Variants in TMEM260 observed in about 807,000 individuals in gnomAD.
TMEM260 encodes the protein protein O-mannosyl-transferase TMEM260.
TMEM260 carries 82 observed loss-of-function variants against 88.9 expected under a neutral mutation model. The observed-to-expected ratio is 0.92, with a 90% CI of 0.77 to 1.11. The LOEUF is 1.11. Ranked by LOEUF, TMEM260 falls within the 50% of genes least tolerant of loss-of-function variation. TMEM260 has a pLI of 0.00. For synonymous variants in TMEM260, 314 were observed against 309.3 expected (o/e 1.02, Z -0.16); for missense variants, 902 against 853.4 (o/e 1.06, Z -0.71).
intron 1 of TMEM260, 101 bp downstream of exon 1, chr14:56,580,175 C>A: frequency 2.0e-6 from 2 of 1,008,590 alleles, no homozygotes; most frequent in Non-Finnish European, 2.6e-6. Context: ...GTCTGGTCAG[C>A]TCTGGGCCTC....
chr14:56,601,847 C>T (rs10129632), intron 3 of TMEM260, among the ~76,000 whole-genome samples: 1,571 of 152,162 alleles, frequency 0.01, 20 homozygotes, highest in African/African-American at 0.036. Flanking sequence ...TTCTGTCATG[C>T]CCCCATCATT....
chr14:56,637,322 T>C (rs1889181298), intron 15 of TMEM260, among the ~76,000 whole-genome samples: 1 of 152,198 alleles, frequency 6.6e-6, no homozygotes, highest in Admixed American at 6.5e-5. Context: ...CCTTGGCTTG[T>C]TGAGATTTCA....
downstream of TMEM260, among the ~76,000 whole-genome samples, chr14:56,654,814 CAAAAAAA>C (rs750160414): frequency 1.5e-4 from 8 of 51,790 alleles, no homozygotes; most frequent in South Asian, 9.9e-4. Flanking sequence ...AACTCCATCT[CAAAAAAA>C]AAAAAAAAAA....
intron 9 of TMEM260, 101 bp from the exon 10 acceptor site, chr14:56,618,489 GCACA>G: frequency 2.0e-6 from 2 of 1,008,264 alleles, no homozygotes; most frequent in Non-Finnish European, 2.9e-6. Flanking sequence ...ATGACAACAG[GCACA>G]CACAACTAGG....
At chr14:56,592,339 G>T (rs904246814) in intron 3 of TMEM260, among the ~76,000 whole-genome samples, 1 of 152,022 alleles carries the variant, frequency 6.6e-6, no homozygotes, top group African/African-American at 2.4e-5. Flanking sequence ...ATGTTCTTAG[G>T]TCTAAACTTG....
chr14:56,662,204 G>T, the TMEM260 span, among the ~76,000 whole-genome samples: 14 of 152,064 alleles, frequency 9.2e-5, no homozygotes. Flanking sequence ...ACATCTTTCC[G>T]CCAGAAGCTA....
chr14:56,647,516 A>C lies in TMEM260; in HGVS notation c.*19A>C, dbSNP rs1890043623. On this transcript the variant is annotated 3_prime_UTR_variant, in exon 16 of 16. Transcript: ENST00000261556. ...TGTCTGAGACAGCAAAATATGAAAA[A>C]CCTGCTCATCGTTCAGCTTCCAAAA... 1 of 1,564,854 alleles carries C rather than the reference A, an allele frequency of 6.4e-7. No individual in the cohort carries two copies. The highest frequency in any genetic ancestry group is 2.3e-5 in the East Asian group (1 of 44,296).
intron 3 of TMEM260, among the ~76,000 whole-genome samples, chr14:56,588,189 T>G (rs1885629779): frequency 6.6e-6 from 1 of 152,078 alleles, no homozygotes; most frequent in Admixed American, 6.6e-5. Context: ...GGAAACAGTT[T>G]TATTCTTTCT....
intron 1 of TMEM260, among the ~76,000 whole-genome samples, chr14:56,580,782 A>G (rs1178671774): frequency 6.6e-6 from 1 of 152,238 alleles, no homozygotes; most frequent in Non-Finnish European, 1.5e-5. Context: ...GATGCAAGAA[A>G]CAAGATCCAT....
At chr14:56,581,664 T>G (rs966794042) in intron 1 of TMEM260, among the ~76,000 whole-genome samples, 4 of 152,330 alleles carry the variant, frequency 2.6e-5, no homozygotes, top group South Asian at 4.1e-4. Context: ...TTATATGGGT[T>G]GTTGTTTTAA....
chr14:56,592,508 A>G (rs1885928161), intron 3 of TMEM260, among the ~76,000 whole-genome samples: 1 of 152,186 alleles, frequency 6.6e-6, no homozygotes, highest in Non-Finnish European at 1.5e-5. Flanking sequence ...TTAGGTTTTC[A>G]GTAACTTAGC....
intron 15 of TMEM260, among the ~76,000 whole-genome samples, chr14:56,639,140 C>T (rs777143519): frequency 6.6e-6 from 1 of 152,092 alleles, no homozygotes; most frequent in African/African-American, 2.4e-5. Context: ...TTTTGGACTT[C>T]AACACCTTAG....
chr14:56,603,705 G>T, intron 3 of TMEM260, 110 bp from the exon 4 acceptor site: 1 of 1,104,430 alleles, frequency 9.1e-7, no homozygotes, highest in South Asian at 1.4e-5. Context: ...TAATGTGTTG[G>T]AGTAGTGCTG....
rs868809730 is a variant in TMEM260, at chr14:56,579,833, G to C, written c.-82G>C. On this transcript the variant is annotated 5_prime_UTR_variant, in exon 1 of 16. Coordinates refer to ENST00000261556, the MANE Select transcript of TMEM260 (RefSeq NM_017799.4). The stretch of plus-strand genomic sequence containing the variant: ...CCGCCGTGGCCGCCGCACAAGCTGC[G>C]CTCGTCTCTCGGCTGGGGAGCTCCG... 1.3e-5 allele frequency: 16 copies of C among 1,192,100 alleles called. No individual in the cohort carries two copies. In the African/African-American group the frequency reaches 1.4e-4, roughly 11 times the overall value. The allele number at this position is 1,192,100 out of a possible 1,614,324, so 73.8% of individuals were successfully genotyped here.
downstream of TMEM260, among the ~76,000 whole-genome samples, chr14:56,655,533 C>T (rs984336508): frequency 2.0e-5 from 3 of 152,134 alleles, no homozygotes; most frequent in Non-Finnish European, 4.4e-5. Context: ...ATATAGATTA[C>T]CTATTTCACA....
rs1218996056 is a variant in TMEM260 at position 56,632,554 on chromosome 14, TGGG to T, written c.1548-437_1548-435del. Among the ~76,000 whole-genome samples, 6 of 145,606 alleles carry T rather than the reference TGGG, an allele frequency of 4.1e-5. No homozygotes were observed. In the East Asian group the frequency reaches 1.3e-3, roughly 31 times the overall value. On this transcript the variant is annotated intron_variant, in intron 12 of 15. Transcript: ENST00000261556. ...GTGCTACTTCTTGGGCTGCAAAAAA[TGGG>T]GGGACTTTTCTTGGAGCTTTTTTTA...
At chr14:56,599,877 A>G (rs945235218) in intron 3 of TMEM260, among the ~76,000 whole-genome samples, 47 of 152,340 alleles carry the variant, frequency 3.1e-4, no homozygotes, top group African/African-American at 1.1e-3. Context: ...GTTAGAATCT[A>G]TTGTTTAAAC....
intron 14 of TMEM260, among the ~76,000 whole-genome samples, chr14:56,635,502 G>A (rs1888977177): frequency 6.8e-6 from 1 of 148,126 alleles, no homozygotes; most frequent in African/African-American, 2.6e-5. Flanking sequence ...ATCTGATGGA[G>A]CCTATACTTT....
chr14:56,626,324 ATT>A (rs1888242570), intron 12 of TMEM260, among the ~76,000 whole-genome samples: 2 of 152,170 alleles, frequency 1.3e-5, no homozygotes, highest in South Asian at 4.1e-4. Context: ...TGAGAGTAAC[ATT>A]TAATTATTCT....
Sources: gnomAD v4.1 joint callset for allele counts (sites outside exome capture counted in the v4.1 genomes callset) on GRCh38, gnomAD v4.1.1 for gene constraint, MANE v1.5 for transcripts, NCBI Gene and HGNC (gene_info 2026-07-23, HGNC 2026-07-21) for gene names.